The following FCGR2B variants were observed in gnomAD, a reference collection of about 807,000 sequenced individuals.
The protein encoded by FCGR2B is low affinity immunoglobulin gamma Fc region receptor II-b.
A neutral mutation model predicts 24.8 loss-of-function variants in FCGR2B; 18 were observed. The ratio of observed to expected loss-of-function variants is 0.73; its 90% CI spans 0.50 to 1.08. FCGR2B has a LOEUF of 1.08. FCGR2B is among the 50% of genes least tolerant of loss of function. FCGR2B has a pLI of 0.00. For missense variants in FCGR2B, 215 were observed against 297.6 expected, an observed-to-expected ratio of 0.72 and a Z score of 2.04; for synonymous variants, 79 against 109.8, an observed-to-expected ratio of 0.72 and a Z score of 1.75.
At chr1:161,652,597 A>G in the FCGR2B span, among the ~76,000 whole-genome samples, 3 of 135,124 alleles carry the variant, frequency 2.2e-5, 1 homozygote, top group Non-Finnish European at 3.3e-5. Flanking sequence ...TAGTACCAAC[A>G]TCTGAATCAT....
the FCGR2B span, among the ~76,000 whole-genome samples, chr1:161,653,944 CGT>C: frequency 7.8e-6 from 1 of 127,716 alleles, no homozygotes; most frequent in Non-Finnish European, 1.8e-5. Context: ...GACTTGGCTG[CGT>C]GAAGACAGCT....
Position 161,677,794 on chromosome 1 carries a change from G to A in FCGR2B, c.*241G>A, listed in dbSNP as rs566800724. ...CTCTTCTTGACATCAAGGCTCTTCC[G>A]TTCCACATCCACACAGCCAATCCAA... On this transcript the variant is annotated 3_prime_UTR_variant, in exon 8 of 8. Transcript: ENST00000358671. The A allele has an allele frequency of 2.7e-4, 131 of 487,630 alleles. 1 individual carries two copies. In the East Asian group the frequency reaches 3.5e-3, roughly 13 times the overall value. The allele number at this position is 487,630 out of a possible 1,614,324, so 30.2% of individuals were successfully genotyped here. A position where few individuals can be genotyped will look rare whatever the true frequency, so the allele number is the denominator to read the frequency against.
Position 161,672,977 on chromosome 1 carries a change from T to G in FCGR2B, c.394T>G (p.Trp132Gly), listed in dbSNP as rs749915700. The change falls in exon 4 of 8, where the codon TGG becomes GGG. Residue 132 changes from tryptophan (W) to glycine (G), a missense_variant and splice_region_variant. By Grantham distance (184) the Trp-to-Gly change is radical. Transcript: ENST00000358671. ...DPVHLTVLSE[W>G]LVLQTPHLEF... Reference sequence around the variant, plus strand: ...CTGCGGTTTTTTGTGTCTTTCAGAGTGGCTGGTGCTCCAGACCCCTCACCT... The same window carrying G: ...CTGCGGTTTTTTGTGTCTTTCAGAGGGGCTGGTGCTCCAGACCCCTCACCT... The G allele has an allele frequency of 6.2e-7, 1 of 1,613,502 alleles. No homozygotes were observed. The highest frequency in any genetic ancestry group is 8.5e-7 in the Non-Finnish European group (1 of 1,179,756).
At chr1:161,672,791 C>T in intron 3 of FCGR2B, 184 bp from the exon 4 acceptor site, 2 of 988,728 alleles carry the variant, frequency 2.0e-6, no homozygotes, top group East Asian at 2.6e-5. Flanking sequence ...AACTGAGGCT[C>T]AGAAGACTTA....
At chr1:161,661,355 A>G (rs1489054296), upstream of FCGR2B, among the ~76,000 whole-genome samples, 3 of 133,062 alleles carry the variant, frequency 2.3e-5, 1 homozygote, top group Non-Finnish European at 4.8e-5. Flanking sequence ...TGAAGTGCCA[A>G]TTTACCGAGA....
At chr1:161,673,645 T>C in intron 4 of FCGR2B, 1 of 548,384 alleles carries the variant, frequency 1.8e-6, no homozygotes, top group South Asian at 1.9e-5. Flanking sequence ...CATAGAGTAA[T>C]GATGCCTCCA....
chr1:161,661,220 AAGAAAGAAAG>A (rs1453261858), upstream of FCGR2B, among the ~76,000 whole-genome samples: 23 of 77,922 alleles, frequency 3.0e-4, 7 homozygotes, highest in African/African-American at 8.1e-4. Context: ...GAAAGAAAGA[AAGAAAGAAAG>A]AAAGAAAGAA....
chr1:161,671,598 C>A lies in FCGR2B; in HGVS notation c.340C>A (p.Gln114Lys). The A allele has an allele frequency of 6.2e-7, 1 of 1,614,080 alleles. No individual in the cohort carries two copies. The change falls in exon 3 of 8, where the codon CAG (glutamine) becomes AAG (lysine). Residue 114 changes from glutamine (Q) to lysine (K), a missense_variant. Around this residue, in one of 5 missense-constraint regions of FCGR2B, gnomAD observed 39 missense variants for 73.3 expected, o/e 0.53. Coordinates refer to ENST00000358671, the MANE Select transcript of FCGR2B (RefSeq NM_001394477.1). ...NNNDSGEYTC[Q>K]TGQTSLSDPV... ...CAATGACAGCGGGGAGTACACGTGC[C>A]AGACTGGCCAGACCAGCCTCAGCGA...
upstream of FCGR2B, among the ~76,000 whole-genome samples, chr1:161,661,189 GGAA>G (rs1207234551): frequency 4.2e-5 from 3 of 70,668 alleles, 1 homozygote; most frequent in East Asian, 1.5e-3. Flanking sequence ...AAGGAAGAAA[GGAA>G]AGAAAGAAAG....
the FCGR2B span, among the ~76,000 whole-genome samples, chr1:161,656,174 G>T: frequency 0.23 from 30,579 of 133,326 alleles, 4,020 homozygotes; most frequent in Middle Eastern, 0.31. Context: ...TTAATTCTAC[G>T]ACTTTCTGCT....
chr1:161,661,189 GGAAAGAAA>G (rs201423251), upstream of FCGR2B, among the ~76,000 whole-genome samples: 6,482 of 67,808 alleles, frequency 0.096, 112 homozygotes, highest in Admixed American at 0.12. Flanking sequence ...AAGGAAGAAA[GGAAAGAAA>G]GAAAGAAAGA....
the FCGR2B span, among the ~76,000 whole-genome samples, chr1:161,649,350 T>G: frequency 6.6e-6 from 1 of 150,948 alleles, no homozygotes; most frequent in Non-Finnish European, 1.5e-5. Context: ...ACCTTTTACC[T>G]CTTTAAAAGA....
rs779354352 is a variant in FCGR2B, at chr1:161,675,240, C to T, written c.761-17C>T. 5.6e-6 allele frequency: 9 copies of T among 1,600,828 alleles called. No individual in the cohort carries two copies. In the East Asian group the frequency reaches 1.4e-4, roughly 24 times the overall value. On this transcript the variant is annotated splice_polypyrimidine_tract_variant and intron_variant, in intron 5 of 7. Transcript: ENST00000358671. Reference sequence around the variant, plus strand: ...CCCACCGCCTAATCCTACTAACCTCCTGTGTGCCCCTCCCAGCTCTCCCAG... The same window carrying T: ...CCCACCGCCTAATCCTACTAACCTCTTGTGTGCCCCTCCCAGCTCTCCCAG...
chr1:161,676,082 G>C (rs1286874101), intron 6 of FCGR2B: 1 of 231,154 alleles, frequency 4.3e-6, no homozygotes, highest in Non-Finnish European at 8.6e-6. Flanking sequence ...CCCTGGCCCA[G>C]GTGGGAGTGT....
intron 6 of FCGR2B, 70 bp from the exon 7 acceptor site, chr1:161,677,258 C>A: frequency 4.0e-6 from 6 of 1,515,992 alleles, no homozygotes; most frequent in Non-Finnish European, 5.5e-6. Context: ...GTTTTGCAGC[C>A]TCAGCATCAG....
the FCGR2B span, among the ~76,000 whole-genome samples, chr1:161,648,311 T>C: frequency 6.8e-6 from 1 of 147,218 alleles, no homozygotes; most frequent in Non-Finnish European, 1.5e-5. Flanking sequence ...CATTGAAGAA[T>C]TTTGAGTAGG....
At chr1:161,652,842 A>G in the FCGR2B span, among the ~76,000 whole-genome samples, 20 of 134,404 alleles carry the variant, frequency 1.5e-4, no homozygotes, top group African/African-American at 4.9e-4. Flanking sequence ...TGCCATAGTT[A>G]CCTTCAAATT....
rs193030032 is a variant in FCGR2B at position 161,677,358 on chromosome 1, A to G, written c.848A>G (p.Lys283Arg). ...ANPTNPDEAD[K>R]VGAENTITYS... ...CCCACTAATCCTGATGAGGCTGACA[A>G]AGTTGGGGTGAGTGATCCCAGCCAT... Residue 283 changes from lysine (K) to arginine (R), a missense_variant, in exon 7 of 8, where the codon AAA (lysine) becomes AGA (arginine). By Grantham distance (26) the Lys-to-Arg change is conservative. Coordinates refer to ENST00000358671, the MANE Select transcript of FCGR2B (RefSeq NM_001394477.1). 833 of 1,613,500 alleles carry G rather than the reference A, an allele frequency of 5.2e-4. 1 individual carries two copies. Among genetic ancestry groups the G allele is most frequent in the Middle Eastern group, 6.6e-4 (4 of 6,052 alleles).
chr1:161,677,402 CT>C (rs769426963), intron 7 of FCGR2B, 37 bp downstream of exon 7: 3 of 1,612,396 alleles, frequency 1.9e-6, no homozygotes, highest in African/African-American at 1.3e-5. Context: ...CCCTTCTCCC[CT>C]GTTGCCTTTT....
Sources: gnomAD v4.1 joint callset for allele counts (sites outside exome capture counted in the v4.1 genomes callset) on GRCh38, gnomAD v4.1.1 for gene constraint, gnomAD v4.1.1 regional missense constraint, MANE v1.5 for transcripts, NCBI Gene and HGNC (gene_info 2026-07-23, HGNC 2026-07-21) for gene names.